Variants in MMAA observed in about 807,000 individuals in gnomAD.
MMAA encodes methylmalonic aciduria type A protein, mitochondrial.
Under a neutral mutation model 45.0 loss-of-function variants are expected in MMAA, and 41 were observed. The ratio of observed to expected loss-of-function variants is 0.91; its 90% CI spans 0.71 to 1.18. The LOEUF is 1.18. Among genes scored for constraint, MMAA ranks in the 50% most tolerant of loss-of-function variants. The probability of loss-of-function intolerance (pLI) is 0.00; values close to 1 mark genes in which losing one functional copy is unlikely to be tolerated. For missense variants in MMAA, 460 were observed against 495.7 expected (o/e 0.93, Z 0.68); for synonymous variants, 154 against 178.2 (o/e 0.86, Z 1.08).
chr4:145,631,838 A>G (rs1040057487), intron 1 of MMAA, among the ~76,000 whole-genome samples: 2 of 152,044 alleles, frequency 1.3e-5, no homozygotes, highest in Non-Finnish European at 2.9e-5. Flanking sequence ...AAGACTTGCT[A>G]TCTTATCTTA....
rs918471623 is a variant in MMAA, at chr4:145,658,491, A to C, written c.*3057A>C. The C allele has an allele frequency of 6.6e-6, 1 of 152,206 alleles. No individual in the cohort carries two copies. The highest frequency in any genetic ancestry group is 1.5e-5 in the Non-Finnish European group (1 of 68,028). The allele number at this position is 152,206 out of a possible 1,614,324, so 9.4% of individuals were successfully genotyped here. A position where few individuals can be genotyped will look rare whatever the true frequency, so the allele number is the denominator to read the frequency against. On this transcript the variant is annotated 3_prime_UTR_variant, in exon 7 of 7. Transcript: ENST00000649156. ...CAGACATTTTGCTAAAACAATATCA[A>C]ATCTCATTAAAATGATGACAGTTAT... is the stretch of plus-strand genomic sequence containing the variant.
chr4:145,655,085 T>A, intron 6 of MMAA, 62 bp from the exon 7 acceptor site: 16 of 1,585,040 alleles, frequency 1.0e-5, no homozygotes, highest in South Asian at 3.4e-5. Context: ...GGTATCAGCG[T>A]CCCTGTAAAA....
At chr4:145,624,943 C>G (rs1734169627) in intron 1 of MMAA, 1 of 1,241,248 alleles carries the variant, frequency 8.1e-7, no homozygotes, top group African/African-American at 1.5e-5. Context: ...CGTTTTCCAA[C>G]TCCATACCTT....
At chr4:145,624,559 T>G (rs1237705900) in intron 1 of MMAA, 1 of 1,190,684 alleles carries the variant, frequency 8.4e-7, no homozygotes, top group Non-Finnish European at 1.2e-6. Flanking sequence ...GAATCAGCAA[T>G]TCTAGAAGGA....
intron 4 of MMAA, among the ~76,000 whole-genome samples, chr4:145,647,353 CAAGAG>C (rs748948052): frequency 3.7e-4 from 56 of 152,054 alleles, no homozygotes; most frequent in Non-Finnish European, 7.2e-4. Context: ...CTGTGTGTCT[CAAGAG>C]AAAAGGACTG....
intron 1 of MMAA, among the ~76,000 whole-genome samples, chr4:145,622,651 A>G (rs1298854042): frequency 6.6e-6 from 1 of 152,230 alleles, no homozygotes; most frequent in Non-Finnish European, 1.5e-5. Context: ...TCAATGCAAA[A>G]TAATGTTTTA....
intron 4 of MMAA, chr4:145,650,848 G>T: frequency 1.7e-6 from 1 of 575,902 alleles, no homozygotes; most frequent in South Asian, 2.0e-5. Context: ...ATCCAAGAAC[G>T]GAGCGGGAGA....
chr4:145,651,733 T>C (rs567719164), intron 5 of MMAA, among the ~76,000 whole-genome samples: 1 of 152,108 alleles, frequency 6.6e-6, no homozygotes, highest in Non-Finnish European at 1.5e-5. Flanking sequence ...AGAACAGTGG[T>C]CCCCAACCTT....
Position 145,651,094 on chromosome 4 carries a change from A to G in MMAA, c.766A>G (p.Met256Val). 1 of 1,614,182 alleles carries G rather than the reference A, an allele frequency of 6.2e-7. No homozygotes were observed. Among genetic ancestry groups the G allele is most frequent in the Non-Finnish European group, 8.5e-7 (1 of 1,180,012 alleles). ...TCAGTCGGAGTTTGCTGTTGCTGAC[A>G]TGGTTGACATGTTTGTTTTACTACT... Reference protein sequence around the residue: ...VGQSEFAVADMVDMFVLLLPP... With the variant: ...VGQSEFAVADVVDMFVLLLPP... The change falls in exon 5 of 7, where the codon ATG becomes GTG. Residue 256 changes from methionine to valine, a missense_variant. Coordinates refer to ENST00000649156, the MANE Select transcript of MMAA (RefSeq NM_172250.3).
chr4:145,655,217 ACCTAATG>A lies in MMAA; in HGVS notation c.1042_1048del (p.Met349ProfsTer5). Reference sequence around the variant, plus strand: ...TGGGATAAAATGAAAGATTTCCAGGACCTAATGCTTGCCAGTGGGGAGCTGACTGCCA... The same window carrying A: ...TGGGATAAAATGAAAGATTTCCAGGACTTGCCAGTGGGGAGCTGACTGCCA... On this transcript the variant is annotated frameshift_variant, in exon 7 of 7. Transcript: ENST00000649156. LOFTEE classifies it high-confidence loss of function. 1 of 1,614,186 alleles carries A rather than the reference ACCTAATG, an allele frequency of 6.2e-7. No individual in the cohort carries two copies. Among genetic ancestry groups the A allele is most frequent in the African/African-American group, 1.3e-5 (1 of 75,040 alleles).
At chr4:145,653,497 T>C (rs182826152) in intron 5 of MMAA, among the ~76,000 whole-genome samples, 9 of 152,176 alleles carry the variant, frequency 5.9e-5, no homozygotes, top group South Asian at 4.2e-4. Context: ...AAAAAAGAGA[T>C]TGACATATTT....
chr4:145,650,173 T>C (rs1728051558), intron 4 of MMAA, among the ~76,000 whole-genome samples: 1 of 152,152 alleles, frequency 6.6e-6, no homozygotes, highest in African/African-American at 2.4e-5. Flanking sequence ...GGCTTTAAGA[T>C]GAGAAAGATT....
In MMAA at chr4:145,659,236, T is replaced by C. The variant is rs1389675581; in HGVS notation, c.*3802T>C. The stretch of plus-strand genomic sequence containing the variant: ...CCCACTTGAGATGAATACTTATTTA[T>C]AGTCCCTGTCCCATGAAGCTTCTGT... On this transcript the variant is annotated 3_prime_UTR_variant, in exon 7 of 7. Coordinates refer to ENST00000649156, the MANE Select transcript of MMAA (RefSeq NM_172250.3). 1 of 152,236 alleles carries C rather than the reference T, an allele frequency of 6.6e-6. No individual in the cohort carries two copies. The highest frequency in any genetic ancestry group is 1.5e-5 in the Non-Finnish European group (1 of 68,038). 9.4% of individuals were successfully genotyped at this position (152,236 alleles called of 1,614,324 possible).
At chr4:145,619,551 G>C (rs1734046245) in intron 1 of MMAA, 144 bp downstream of exon 1, 1 of 152,222 alleles carries the variant, frequency 6.6e-6, no homozygotes, top group African/African-American at 2.4e-5. Context: ...GAGTATTATC[G>C]AATATTCTCC....
At chr4:145,648,744 G>A (rs1001780315) in intron 4 of MMAA, among the ~76,000 whole-genome samples, 5 of 152,190 alleles carry the variant, frequency 3.3e-5, no homozygotes, top group Non-Finnish European at 7.3e-5. Context: ...CAGCACTTTG[G>A]GAGGCCAAGG....
chr4:145,651,799 G>C lies in MMAA; in HGVS notation c.819+652G>C, dbSNP rs978064775. Among the ~76,000 whole-genome samples, 5 of 152,290 alleles carry C rather than the reference G, an allele frequency of 3.3e-5. No homozygotes were observed. In the East Asian group the frequency reaches 9.6e-4, roughly 29 times the overall value. On this transcript the variant is annotated intron_variant, in intron 5 of 6. Transcript: ENST00000649156. ...CAGTTTTCCACAGACTGGGGGTAAG[G>C]GGGGATGGTTTCAGGATGAAACTGT...
chr4:145,625,852 G>A (rs939307963), intron 1 of MMAA: 15 of 1,307,404 alleles, frequency 1.1e-5, no homozygotes, highest in African/African-American at 4.4e-5. Flanking sequence ...CTTCTAAGAC[G>A]TTCCAGATGA....
chr4:145,627,091 T>A (rs1294631965), intron 1 of MMAA, among the ~76,000 whole-genome samples: 1 of 152,210 alleles, frequency 6.6e-6, no homozygotes, highest in Non-Finnish European at 1.5e-5. Flanking sequence ...GTATAAATCA[T>A]AAGCTTATCA....
Position 145,642,464 on chromosome 4 carries a change from C to T in MMAA, c.541C>T (p.Pro181Ser), listed in dbSNP as rs1727814576. 1 of 1,614,040 alleles carries T rather than the reference C, an allele frequency of 6.2e-7. No homozygotes were observed. Among genetic ancestry groups the T allele is most frequent in the Non-Finnish European group, 8.5e-7 (1 of 1,179,984 alleles). The part of the protein sequence containing the change: ...GHKLSVLAVD[P>S]SSCTSGGSLL... The stretch of plus-strand genomic sequence containing the variant: ...CAAATTATCTGTGCTAGCTGTGGAC[C>T]CTTCTTCTTGTACTAGTGGTGGTAA... The change falls in exon 3 of 7, where the codon CCT becomes TCT. Residue 181 changes from proline to serine, a missense_variant. By Grantham distance (74) the Pro-to-Ser change is moderately conservative. Transcript: ENST00000649156.
Sources: allele counts gnomAD v4.1 joint callset (sites outside exome capture counted in the v4.1 genomes callset), GRCh38; gene constraint gnomAD v4.1.1; transcripts MANE v1.5; gene names NCBI Gene and HGNC (gene_info 2026-07-23, HGNC 2026-07-21).